Variants in SCFD2 observed in about 807,000 individuals in gnomAD.
SCFD2 encodes the protein sec1 family domain-containing protein 2.
A neutral mutation model predicts 58.9 loss-of-function variants in SCFD2; 54 were observed. The ratio of observed to expected loss-of-function variants is 0.92; its 90% CI spans 0.74 to 1.15. The LOEUF is 1.15. SCFD2 is among the 50% of genes most tolerant of loss of function. SCFD2 has a pLI of 0.00. For synonymous variants in SCFD2, 321 were observed against 335.9 expected, an observed-to-expected ratio of 0.96 and a Z score of 0.49; for missense variants, 805 against 836.6, an observed-to-expected ratio of 0.96 and a Z score of 0.47.
chr4:53,302,263 C>G (rs1732337592), intron 3 of SCFD2, among the ~76,000 whole-genome samples: 1 of 152,186 alleles, frequency 6.6e-6, no homozygotes. Flanking sequence ...TCTCAGGATA[C>G]AAAATCAATG....
chr4:53,090,089 G>A (rs1365297980), intron 5 of SCFD2, among the ~76,000 whole-genome samples: 1 of 152,156 alleles, frequency 6.6e-6, no homozygotes, highest in Admixed American at 6.5e-5. Context: ...AGCTGGAGAA[G>A]CTTTTGAAGG....
intron 5 of SCFD2, among the ~76,000 whole-genome samples, chr4:52,993,387 C>A (rs1486708909): frequency 4.9e-5 from 7 of 142,996 alleles, no homozygotes; most frequent in Non-Finnish European, 1.1e-4. Context: ...CAAGAATGAT[C>A]AATAAATACT....
chr4:53,020,667 C>A (rs1215308663), intron 5 of SCFD2, among the ~76,000 whole-genome samples: 1 of 152,156 alleles, frequency 6.6e-6, no homozygotes, highest in Non-Finnish European at 1.5e-5. Context: ...TACACAGTAG[C>A]CCACGTTTCC....
At chr4:53,046,344 G>A (rs1723037837) in intron 5 of SCFD2, among the ~76,000 whole-genome samples, 1 of 152,050 alleles carries the variant, frequency 6.6e-6, no homozygotes, top group Non-Finnish European at 1.5e-5. Flanking sequence ...CCCCCAGGTA[G>A]CTGGGACTAC....
chr4:53,214,503 G>GTTT (rs1728743130), intron 4 of SCFD2, among the ~76,000 whole-genome samples: 1 of 151,870 alleles, frequency 6.6e-6, no homozygotes, highest in South Asian at 2.1e-4. Flanking sequence ...TGATGGGGTT[G>GTTT]TTTTTTTCTT....
intron 5 of SCFD2, among the ~76,000 whole-genome samples, chr4:53,041,585 T>C (rs1369378473): frequency 6.6e-6 from 1 of 152,100 alleles, no homozygotes; most frequent in Non-Finnish European, 1.5e-5. Context: ...AAATTTAGTT[T>C]TGTAAAAGTA....
chr4:53,249,627 C>A (rs1479630138), intron 4 of SCFD2, among the ~76,000 whole-genome samples: 19 of 152,158 alleles, frequency 1.2e-4, no homozygotes, highest in Non-Finnish European at 1.5e-5. Context: ...CTCTACAAGC[C>A]AGAAGAGAGT....
chr4:53,016,502 T>G (rs1722217125), intron 5 of SCFD2, among the ~76,000 whole-genome samples: 1 of 152,220 alleles, frequency 6.6e-6, no homozygotes, highest in Non-Finnish European at 1.5e-5. Context: ...ATATGAATCT[T>G]TAAAAAATCT....
At chr4:53,309,234 T>C (rs1006903629) in intron 3 of SCFD2, among the ~76,000 whole-genome samples, 18 of 152,094 alleles carry the variant, frequency 1.2e-4, no homozygotes, top group African/African-American at 4.3e-4. Context: ...TTAGGAGGAA[T>C]GTTAACAAAC....
At chr4:52,906,725 G>A (rs1719357032) in intron 7 of SCFD2, among the ~76,000 whole-genome samples, 1 of 152,144 alleles carries the variant, frequency 6.6e-6, no homozygotes, top group East Asian at 1.9e-4. Flanking sequence ...AGATCTCTTA[G>A]GTAGATTAAT....
At chr4:52,875,337 G>A (rs1718445242) in intron 8 of SCFD2, among the ~76,000 whole-genome samples, 1 of 152,152 alleles carries the variant, frequency 6.6e-6, no homozygotes, top group South Asian at 2.1e-4. Flanking sequence ...TCTGGGCTGG[G>A]GGCGTGATGT....
intron 4 of SCFD2, among the ~76,000 whole-genome samples, chr4:53,191,534 G>A (rs1356931915): frequency 6.6e-6 from 1 of 151,946 alleles, no homozygotes; most frequent in African/African-American, 2.4e-5. Context: ...AGCCTCCCGA[G>A]TAGCTGGGAT....
chr4:53,238,645 G>A lies in SCFD2; in HGVS notation c.1311+35181C>T, dbSNP rs550897617. 6.3e-3 allele frequency among the ~76,000 whole-genome samples: 950 copies of A among 151,886 alleles called. 12 individuals carry two copies. The highest frequency in any genetic ancestry group is 0.011 in the South Asian group (52 of 4,814). ...CGGAGGAGCTCCTCGCTTCTCAGACGGGGTGGCCGGGCAGAGATGCTCCTC... is the reference window on the plus strand; with the variant it reads ...CGGAGGAGCTCCTCGCTTCTCAGACAGGGTGGCCGGGCAGAGATGCTCCTC... On this transcript the variant is annotated intron_variant, in intron 4 of 8. Transcript: ENST00000401642.
At chr4:53,180,102 A>C (rs1218355293) in intron 4 of SCFD2, among the ~76,000 whole-genome samples, 1 of 152,198 alleles carries the variant, frequency 6.6e-6, no homozygotes, top group Non-Finnish European at 1.5e-5. Context: ...CGAGACAGAA[A>C]GTTAACAAGG....
At chr4:52,897,370 T>G (rs893824371) in intron 7 of SCFD2, among the ~76,000 whole-genome samples, 23 of 152,328 alleles carry the variant, frequency 1.5e-4, no homozygotes, top group African/African-American at 5.3e-4. Context: ...GTGTGAAGTG[T>G]TGTTGAATTT....
intron 2 of SCFD2, among the ~76,000 whole-genome samples, chr4:53,348,353 T>C (rs1159325736): frequency 6.6e-6 from 1 of 152,232 alleles, no homozygotes; most frequent in African/African-American, 2.4e-5. Flanking sequence ...CTTTTAGTAC[T>C]AACATTTTTA....
chr4:53,092,858 A>C (rs1724513446), intron 5 of SCFD2, among the ~76,000 whole-genome samples: 1 of 152,142 alleles, frequency 6.6e-6, no homozygotes, highest in South Asian at 2.1e-4. Flanking sequence ...ATGTTATCAA[A>C]AAAATAAAGC....
chr4:53,134,882 A>G (rs187155484), intron 5 of SCFD2, among the ~76,000 whole-genome samples: 1 of 152,188 alleles, frequency 6.6e-6, no homozygotes, highest in Non-Finnish European at 1.5e-5. Context: ...AGCTGGCTTT[A>G]GTTTCCAGAG....
At chr4:53,174,463 G>T (rs894224418) in intron 4 of SCFD2, among the ~76,000 whole-genome samples, 2 of 152,092 alleles carry the variant, frequency 1.3e-5, no homozygotes, top group Admixed American at 6.5e-5. Context: ...CACATACAAA[G>T]AAACTGACAT....
Sources: allele counts gnomAD v4.1 joint callset (sites outside exome capture counted in the v4.1 genomes callset), GRCh38; gene constraint gnomAD v4.1.1; transcripts MANE v1.5; gene names NCBI Gene and HGNC (gene_info 2026-07-23, HGNC 2026-07-21).